Variants in MCUB observed in about 807,000 individuals in gnomAD.
The protein encoded by MCUB is mitochondrial calcium uniporter dominant negative subunit beta.
Under a neutral mutation model 41.4 loss-of-function variants are expected in MCUB, and 46 were observed. The ratio of observed to expected loss-of-function variants is 1.11; its 90% confidence interval spans 0.88 to 1.42. The LOEUF is 1.42. Among genes scored for constraint, MCUB ranks in the 40% most tolerant of loss-of-function variants. The pLI, the probability that MCUB is intolerant of heterozygous loss-of-function variation, is 0.00. For missense variants in MCUB, 403 were observed against 404.9 expected (o/e 1.00, Z 0.04); for synonymous variants, 148 against 148.2 (o/e 1.00, Z 0.01).
chr4:109,683,920 A>T (rs1729773129), intron 5 of MCUB, among the ~76,000 whole-genome samples: 1 of 152,180 alleles, frequency 6.6e-6, no homozygotes, highest in Non-Finnish European at 1.5e-5. Flanking sequence ...GGCAGTTATT[A>T]CCTTTATAGT....
chr4:109,618,989 T>TCTCTCTCTCTC, intron 1 of MCUB, among the ~76,000 whole-genome samples: 1 of 133,732 alleles, frequency 7.5e-6, no homozygotes, highest in Non-Finnish European at 1.6e-5. Flanking sequence ...TCTCTCTCTC[T>TCTCTCTCTCTC]ACCTACCAAC....
chr4:109,573,915 C>T (rs1226349768), intron 1 of MCUB, among the ~76,000 whole-genome samples: 2 of 133,854 alleles, frequency 1.5e-5, no homozygotes, highest in African/African-American at 5.8e-5. Flanking sequence ...CTCTGTTGCT[C>T]AGGCTGGATT....
chr4:109,600,249 G>A (rs550998610), intron 1 of MCUB, among the ~76,000 whole-genome samples: 7 of 152,194 alleles, frequency 4.6e-5, no homozygotes, highest in African/African-American at 1.7e-4. Flanking sequence ...GCCACTACCT[G>A]TGCTTCTAGT....
At chr4:109,684,360 C>G in intron 5 of MCUB, 83 bp from the exon 6 acceptor site, 2 of 1,175,638 alleles carry the variant, frequency 1.7e-6, no homozygotes, top group Non-Finnish European at 2.4e-6. Context: ...CCGCGCCCGG[C>G]AAGAGTTCCT....
intron 1 of MCUB, among the ~76,000 whole-genome samples, chr4:109,611,905 A>T (rs1172026509): frequency 6.6e-6 from 1 of 152,244 alleles, no homozygotes; most frequent in East Asian, 1.9e-4. Context: ...AAGTGATTAA[A>T]ATGAAAGAAC....
intron 1 of MCUB, among the ~76,000 whole-genome samples, chr4:109,617,988 G>A (rs138541871): frequency 6.6e-6 from 1 of 152,276 alleles, no homozygotes; most frequent in Non-Finnish European, 1.5e-5. Context: ...GATGCCTTTG[G>A]TCCTTGCATG....
intron 1 of MCUB, among the ~76,000 whole-genome samples, chr4:109,646,379 T>A (rs1271817097): frequency 6.6e-6 from 1 of 152,058 alleles, no homozygotes; most frequent in Non-Finnish European, 1.5e-5. Context: ...TGTTCTTGAG[T>A]CCACTAAGCT....
At chr4:109,654,447 C>T (rs528906090) in intron 1 of MCUB, among the ~76,000 whole-genome samples, 1 of 152,030 alleles carries the variant, frequency 6.6e-6, no homozygotes, top group East Asian at 1.9e-4. Context: ...CCCATCTCTA[C>T]TAAAAATACA....
At chr4:109,597,668 G>T (rs1386551596) in intron 1 of MCUB, among the ~76,000 whole-genome samples, 1 of 142,418 alleles carries the variant, frequency 7.0e-6, no homozygotes, top group Non-Finnish European at 1.5e-5. Context: ...AGACCGGGCG[G>T]CTGGCCGGGC....
chr4:109,608,086 TTTCTC>T (rs1008993847), intron 1 of MCUB, among the ~76,000 whole-genome samples: 4 of 152,150 alleles, frequency 2.6e-5, no homozygotes, highest in African/African-American at 7.2e-5. Context: ...AAAATTCTCT[TTTCTC>T]TTATCTCCTC....
intron 1 of MCUB, among the ~76,000 whole-genome samples, chr4:109,652,623 G>C (rs1728985773): frequency 6.6e-6 from 1 of 152,116 alleles, no homozygotes; most frequent in South Asian, 2.1e-4. Context: ...GCAGCCTCAG[G>C]CCCTTTTATA....
chr4:109,653,585 G>GT (rs553799331), intron 1 of MCUB, among the ~76,000 whole-genome samples: 3 of 151,378 alleles, frequency 2.0e-5, no homozygotes, highest in Admixed American at 2.0e-4. Context: ...ATTAAGGTGG[G>GT]TTTTTTTTGA....
At chr4:109,586,305 G>A (rs531218406) in intron 1 of MCUB, among the ~76,000 whole-genome samples, 165 of 152,210 alleles carry the variant, frequency 1.1e-3, no homozygotes, top group Middle Eastern at 6.8e-3. Flanking sequence ...GTTCCATCAG[G>A]TCATTTAAGG....
chr4:109,579,873 C>A (rs1247925752), intron 1 of MCUB, among the ~76,000 whole-genome samples: 1 of 152,110 alleles, frequency 6.6e-6, no homozygotes, highest in African/African-American at 2.4e-5. Flanking sequence ...CAAAAATGAA[C>A]ATAAAACTTT....
intron 1 of MCUB, among the ~76,000 whole-genome samples, chr4:109,606,284 T>G (rs1727868913): frequency 6.6e-6 from 1 of 152,066 alleles, no homozygotes; most frequent in African/African-American, 2.4e-5. Flanking sequence ...CTGTTTTTTT[T>G]GTTTTGTTTA....
At chr4:109,576,229 G>A (rs1433807365) in intron 1 of MCUB, among the ~76,000 whole-genome samples, 1 of 152,138 alleles carries the variant, frequency 6.6e-6, no homozygotes. Context: ...CATTCCTGAG[G>A]CTTAATTAAA....
intron 1 of MCUB, among the ~76,000 whole-genome samples, chr4:109,629,472 T>A (rs1728429315): frequency 6.6e-6 from 1 of 152,212 alleles, no homozygotes; most frequent in Non-Finnish European, 1.5e-5. Flanking sequence ...GGATACCAGC[T>A]GGGTATCCTC....
chr4:109,665,560 C>T (rs1004504572), intron 4 of MCUB, among the ~76,000 whole-genome samples: 8 of 152,174 alleles, frequency 5.3e-5, no homozygotes, highest in Non-Finnish European at 1.0e-4. Context: ...TGCATTTAAC[C>T]TCCATACTCC....
Position 109,620,911 on chromosome 4 carries a change from T to C in MCUB, c.100-38100T>C, listed in dbSNP as rs79802840. On this transcript the variant is annotated intron_variant, in intron 1 of 7. Coordinates refer to ENST00000394650, the MANE Select transcript of MCUB (RefSeq NM_017918.5). The stretch of plus-strand genomic sequence containing the variant: ...CAACATTCTTCTTCTTTTTTTTTTT[T>C]CCCCCAAGATGGAGTCTCTCTCTGT... 7.9e-3 allele frequency among the ~76,000 whole-genome samples: 1,189 copies of C among 151,064 alleles called. 18 individuals are homozygous for C. Among genetic ancestry groups the C allele is most frequent in the African/African-American group, 0.027 (1,116 of 41,206 alleles).
Sources: allele counts gnomAD v4.1 joint callset (sites outside exome capture counted in the v4.1 genomes callset), GRCh38; gene constraint gnomAD v4.1.1; transcripts MANE v1.5; gene names NCBI Gene and HGNC (gene_info 2026-07-23, HGNC 2026-07-21).